Variants in ERO1B observed in about 807,000 individuals in gnomAD.
ERO1B encodes ERO1-like protein beta.
Under a neutral mutation model 75.3 loss-of-function variants are expected in ERO1B, and 49 were observed. The observed-to-expected ratio is 0.65, with a 90% CI of 0.52 to 0.83. ERO1B has a LOEUF of 0.83. Ranked by LOEUF, ERO1B falls within the 40% of genes least tolerant of loss-of-function variation. ERO1B has a pLI of 0.00. For missense variants in ERO1B, 512 were observed against 560.1 expected, an observed-to-expected ratio of 0.91 and a Z score of 0.87; for synonymous variants, 191 against 192.9, an observed-to-expected ratio of 0.99 and a Z score of 0.08.
At chr1:236,230,486 G>T (rs1572034913) in intron 9 of ERO1B, among the ~76,000 whole-genome samples, 1 of 151,334 alleles carries the variant, frequency 6.6e-6, no homozygotes, top group East Asian at 1.9e-4. Context: ...GGAGGTGCAG[G>T]CCTGTAATCC....
In ERO1B at chr1:236,243,507, A is replaced by G; in HGVS notation, c.432-12T>C. 2 of 1,575,940 alleles carry G rather than the reference A, an allele frequency of 1.3e-6. No individual in the cohort carries two copies. Among genetic ancestry groups the G allele is most frequent in the Non-Finnish European group, 1.7e-6 (2 of 1,159,510 alleles). On this transcript the variant is annotated splice_polypyrimidine_tract_variant and intron_variant, in intron 5 of 15. Coordinates refer to ENST00000354619, the MANE Select transcript of ERO1B (RefSeq NM_019891.4). ...CTTTGCTTTGATTACTATGGGAAGG[A>G]GGAATAAAAAAGAAAAATTATTAAA...
intron 2 of ERO1B, among the ~76,000 whole-genome samples, chr1:236,265,883 T>C (rs1315584444): frequency 6.6e-6 from 1 of 152,222 alleles, no homozygotes; most frequent in Admixed American, 6.5e-5. Context: ...AACCTTCTCA[T>C]GGCTCTTTCA....
At position 236,252,216 on chromosome 1, in the gene ERO1B, C is replaced by T. The variant is rs563025699; in HGVS notation, c.307-125G>A. 2.5e-4 allele frequency: 162 copies of T among 645,140 alleles called. No homozygotes were observed. In the African/African-American group the frequency reaches 2.7e-3, roughly 11 times the overall value. The allele number at this position is 645,140 out of a possible 1,614,324, so 40.0% of individuals were successfully genotyped here. On this transcript the variant is annotated intron_variant, in intron 3 of 15. Transcript: ENST00000354619. ...TTTTACTCTATGAGGGGCAAATATA[C>T]ACTCACTCAAATTGTGTTTTCACAC...
intron 5 of ERO1B, among the ~76,000 whole-genome samples, chr1:236,244,552 C>G (rs1036380853): frequency 1.3e-5 from 2 of 152,116 alleles, no homozygotes; most frequent in Admixed American, 6.6e-5. Context: ...TAAGATAGAT[C>G]TTATGTTGAA....
At position 236,218,002 on chromosome 1, in the gene ERO1B, T is replaced by G. The variant is rs1326718581; in HGVS notation, c.*514A>C. 1 of 152,164 alleles carries G rather than the reference T, an allele frequency of 6.6e-6. No homozygotes were observed. The allele number at this position is 152,164 out of a possible 1,614,324, so 9.4% of individuals were successfully genotyped here. A position where few individuals can be genotyped will look rare whatever the true frequency, so the allele number is the denominator to read the frequency against. On this transcript the variant is annotated 3_prime_UTR_variant, in exon 16 of 16. Coordinates refer to ENST00000354619, the MANE Select transcript of ERO1B (RefSeq NM_019891.4). ...TCATCATGGTGACAGTTCCAGATTC[T>G]AGAAATATTATAGTATTTCTTTATA...
chr1:236,231,085 G>A lies in ERO1B; in HGVS notation c.686-835C>T, dbSNP rs1040842248. Among the ~76,000 whole-genome samples, 28 of 117,608 alleles carry A rather than the reference G, an allele frequency of 2.4e-4. 2 individuals carry two copies. Among genetic ancestry groups the A allele is most frequent in the Admixed American group, 9.6e-4 (12 of 12,518 alleles). 77.2% of individuals were successfully genotyped at this position (117,608 alleles called of 152,430 possible). A position where few individuals can be genotyped will look rare whatever the true frequency, so the allele number is the denominator to read the frequency against. ...ATAAGGAATTATAATTAACACAAAC[G>A]TCCAACTATTGATTATTCCATTTTT... is the stretch of plus-strand genomic sequence containing the variant. On this transcript the variant is annotated intron_variant, in intron 9 of 15. Transcript: ENST00000354619.
chr1:236,228,119 A>G (rs1664321073), intron 10 of ERO1B, among the ~76,000 whole-genome samples: 2 of 152,168 alleles, frequency 1.3e-5, no homozygotes, highest in African/African-American at 4.8e-5. Context: ...GTCCAATAAA[A>G]TGGATAAAGA....
intron 7 of ERO1B, 137 bp from the exon 8 acceptor site, chr1:236,235,972 T>A (rs530800277): frequency 2.7e-6 from 2 of 749,048 alleles, no homozygotes; most frequent in South Asian, 3.8e-5. Context: ...TCACCCAGGC[T>A]GGAGTACAGT....
At chr1:236,262,259 TAA>T (rs1349472700) in intron 2 of ERO1B, among the ~76,000 whole-genome samples, 1 of 152,224 alleles carries the variant, frequency 6.6e-6, no homozygotes, top group Non-Finnish European at 1.5e-5. Context: ...GTCTCTTTAA[TAA>T]AGTGTTGGGA....
chr1:236,277,321 T>A (rs1335863415), intron 1 of ERO1B, among the ~76,000 whole-genome samples: 1 of 151,902 alleles, frequency 6.6e-6, no homozygotes, highest in Non-Finnish European at 1.5e-5. Flanking sequence ...TAAGAATTGC[T>A]TGAGCCTGGG....
At chr1:236,256,692 T>C (rs1166944434) in intron 2 of ERO1B, among the ~76,000 whole-genome samples, 1 of 151,484 alleles carries the variant, frequency 6.6e-6, no homozygotes, top group Non-Finnish European at 1.5e-5. Flanking sequence ...CCTTTTCCCC[T>C]ACAGGCTCTG....
At chr1:236,276,360 G>T (rs1665710042) in intron 1 of ERO1B, among the ~76,000 whole-genome samples, 1 of 152,190 alleles carries the variant, frequency 6.6e-6, no homozygotes, top group African/African-American at 2.4e-5. Context: ...CTAAGATAAA[G>T]AGAAGAAAGA....
chr1:236,255,182 C>T (rs889198005), intron 2 of ERO1B, among the ~76,000 whole-genome samples: 1 of 151,910 alleles, frequency 6.6e-6, no homozygotes, highest in Non-Finnish European at 1.5e-5. Flanking sequence ...GCCATCCACC[C>T]ACCTCAGACT....
At chr1:236,238,764 G>T (rs998371790) in intron 6 of ERO1B, among the ~76,000 whole-genome samples, 2 of 151,560 alleles carry the variant, frequency 1.3e-5, no homozygotes, top group East Asian at 3.9e-4. Context: ...GTACATGTAG[G>T]ACTACATGTG....
At position 236,230,270 on chromosome 1, in the gene ERO1B, G is replaced by C. The variant is rs372710995; in HGVS notation, c.686-20C>G. 2.1e-4 allele frequency: 333 copies of C among 1,569,578 alleles called. 1 individual carries two copies. Among genetic ancestry groups the C allele is most frequent in the Admixed American group, 3.2e-4 (19 of 59,112 alleles). On this transcript the variant is annotated intron_variant, in intron 9 of 15. Coordinates refer to ENST00000354619, the MANE Select transcript of ERO1B (RefSeq NM_019891.4). ...ATTCTCCTGAGAGAGAGAGAAAAGT[G>C]GATTAAAACATTATATGGTCATTTA...
intron 1 of ERO1B, among the ~76,000 whole-genome samples, chr1:236,277,312 A>G (rs534376703): frequency 1.3e-5 from 2 of 152,136 alleles, no homozygotes; most frequent in East Asian, 3.9e-4. Flanking sequence ...GCTGAGGCAT[A>G]AGAATTGCTT....
rs186905646 is a variant in ERO1B at position 236,261,527 on chromosome 1, A to T, written c.223-8022T>A. Among the ~76,000 whole-genome samples the T allele has an allele frequency of 1.1e-4, 17 of 152,254 alleles. No homozygotes were observed. In the East Asian group the frequency reaches 1.2e-3, roughly 10 times the overall value. On this transcript the variant is annotated intron_variant, in intron 2 of 15. Transcript: ENST00000354619. ...ACTAACAATGAACAATCCCCCCCAA[A>T]ATTGAGAGATCATATTTACAGTAAC... is the stretch of plus-strand genomic sequence containing the variant.
intron 14 of ERO1B, 46 bp downstream of exon 14, chr1:236,221,878 A>C (rs1664154378): frequency 1.4e-6 from 2 of 1,455,954 alleles, no homozygotes; most frequent in Middle Eastern, 1.7e-4. Context: ...TCAGTGGAAA[A>C]AATAAAGGTT....
Position 236,218,077 on chromosome 1 carries a change from A to G in ERO1B, c.*439T>C, listed in dbSNP as rs1664043253. The G allele has an allele frequency of 6.6e-6, 1 of 152,194 alleles. No homozygotes were observed. Among genetic ancestry groups the G allele is most frequent in the South Asian group, 2.1e-4 (1 of 4,830 alleles). The allele number at this position is 152,194 out of a possible 1,614,324, so 9.4% of individuals were successfully genotyped here. On this transcript the variant is annotated 3_prime_UTR_variant, in exon 16 of 16. Transcript: ENST00000354619. Reference sequence around the variant, plus strand: ...TGAGGCAAGGGTAAAAACACATTAAAAAGCATTGATAAATTTTTCTCACTG... The same window carrying G: ...TGAGGCAAGGGTAAAAACACATTAAGAAGCATTGATAAATTTTTCTCACTG...
Sources: allele counts gnomAD v4.1 joint callset (sites outside exome capture counted in the v4.1 genomes callset), GRCh38; gene constraint gnomAD v4.1.1; transcripts MANE v1.5; gene names NCBI Gene and HGNC (gene_info 2026-07-23, HGNC 2026-07-21).